Variants in SRPK2 observed in about 807,000 individuals in gnomAD.
SRPK2 encodes SFRS protein kinase 2.
A neutral mutation model predicts 90.8 loss-of-function variants in SRPK2; 21 were observed. The ratio of observed to expected loss-of-function variants is 0.23; its 90% CI spans 0.16 to 0.33. SRPK2 has a LOEUF of 0.33. Ranked by LOEUF, SRPK2 falls within the 10% of genes least tolerant of loss-of-function variation. The pLI is 1.00. For missense variants in SRPK2, 620 were observed against 869.0 expected (o/e 0.71, Z 3.60); for synonymous variants, 288 against 311.1 (o/e 0.93, Z 0.78).
intron 8 of SRPK2, 58 bp from the exon 9 acceptor site, chr7:105,145,366 T>C (rs957340198): frequency 9.0e-6 from 12 of 1,329,888 alleles, no homozygotes; most frequent in African/African-American, 4.4e-5. Flanking sequence ...TGCCTTCATG[T>C]AGGTCATTCG....
At chr7:105,128,364 G>A (rs1376606422) in intron 13 of SRPK2, among the ~76,000 whole-genome samples, 3 of 152,086 alleles carry the variant, frequency 2.0e-5, no homozygotes, top group East Asian at 1.9e-4. Context: ...GTGGATGCAC[G>A]AAGGCACCAG....
intron 3 of SRPK2, among the ~76,000 whole-genome samples, chr7:105,174,971 G>A (rs1179720548): frequency 1.3e-5 from 2 of 151,908 alleles, no homozygotes; most frequent in Non-Finnish European, 2.9e-5. Flanking sequence ...TGACAAAAAC[G>A]CCTCTCTTAC....
At chr7:105,152,394 C>T (rs1485989823) in intron 7 of SRPK2, among the ~76,000 whole-genome samples, 2 of 152,168 alleles carry the variant, frequency 1.3e-5, no homozygotes, top group African/African-American at 4.8e-5. Context: ...AGGTGATCTA[C>T]ACATTTCGGC....
At chr7:105,327,198 T>C (rs984327374) in intron 2 of SRPK2, among the ~76,000 whole-genome samples, 1 of 150,918 alleles carries the variant, frequency 6.6e-6, no homozygotes, top group African/African-American at 2.4e-5. Flanking sequence ...GACCTACAAA[T>C]GGCCTTTACA....
chr7:105,118,103 G>C, intron 15 of SRPK2, 81 bp from the exon 16 acceptor site: 1 of 1,477,306 alleles, frequency 6.8e-7, no homozygotes, highest in South Asian at 1.2e-5. Context: ...GTTCTTTTCA[G>C]TGAAGCGGAC....
chr7:105,395,842 T>C (rs554323352), intron 1 of SRPK2, among the ~76,000 whole-genome samples: 40 of 152,222 alleles, frequency 2.6e-4, no homozygotes, highest in Non-Finnish European at 5.0e-4. Flanking sequence ...TTTGAATTTA[T>C]TGAATTAAAG....
intron 2 of SRPK2, among the ~76,000 whole-genome samples, chr7:105,324,553 T>C (rs370533122): frequency 1.3e-5 from 2 of 152,188 alleles, no homozygotes; most frequent in Non-Finnish European, 2.9e-5. Flanking sequence ...GGTAGGCCCA[T>C]AGAATGCTGA....
intron 2 of SRPK2, among the ~76,000 whole-genome samples, chr7:105,218,022 C>T (rs968965469): frequency 6.6e-5 from 10 of 152,022 alleles, no homozygotes; most frequent in African/African-American, 1.9e-4. Context: ...AGGCCTATGA[C>T]GAAGAAAAAG....
intron 2 of SRPK2, among the ~76,000 whole-genome samples, chr7:105,359,944 T>G (rs528980163): frequency 6.6e-6 from 1 of 152,318 alleles, no homozygotes; most frequent in East Asian, 1.9e-4. Flanking sequence ...GTTAACCTTC[T>G]GTCTCGTTGA....
intron 3 of SRPK2, among the ~76,000 whole-genome samples, chr7:105,176,302 A>G (rs1340684302): frequency 6.6e-6 from 1 of 152,184 alleles, no homozygotes; most frequent in Non-Finnish European, 1.5e-5. Flanking sequence ...TTCTCAATGA[A>G]GCAGGAATAG....
chr7:105,198,643 G>C (rs1263455232), intron 3 of SRPK2, among the ~76,000 whole-genome samples: 2 of 152,152 alleles, frequency 1.3e-5, no homozygotes, highest in Non-Finnish European at 2.9e-5. Flanking sequence ...ATGAAGTACA[G>C]ATGAGAACAC....
At chr7:105,178,008 G>A (rs1308237523) in intron 3 of SRPK2, among the ~76,000 whole-genome samples, 3 of 141,528 alleles carry the variant, frequency 2.1e-5, no homozygotes, top group South Asian at 2.2e-4. Context: ...CAGCCTGGGC[G>A]ACTGAGCGAG....
intron 4 of SRPK2, 143 bp from the exon 5 acceptor site, chr7:105,168,238 GAT>G (rs1292022072): frequency 1.6e-6 from 1 of 631,938 alleles, no homozygotes; most frequent in African/African-American, 1.9e-5. Flanking sequence ...GTGTCAACAC[GAT>G]GCCACAGTGT....
At chr7:105,375,983 CTT>C (rs34445430) in intron 2 of SRPK2, among the ~76,000 whole-genome samples, 88 of 63,152 alleles carry the variant, frequency 1.4e-3, no homozygotes, top group African/African-American at 5.6e-3. Flanking sequence ...GAATTCATTT[CTT>C]TTTTTTTTTT....
intron 2 of SRPK2, among the ~76,000 whole-genome samples, chr7:105,279,342 T>A (rs919288093): frequency 6.6e-6 from 1 of 152,206 alleles, no homozygotes; most frequent in Non-Finnish European, 1.5e-5. Context: ...TGAGAGAAAA[T>A]GTTTTTCTGT....
intron 2 of SRPK2, chr7:105,244,965 G>A (rs1801400697): frequency 6.4e-6 from 9 of 1,397,464 alleles, no homozygotes; most frequent in Non-Finnish European, 8.0e-6. Context: ...TGCCAAGAAA[G>A]ACTGAGCCCC....
chr7:105,339,426 A>C (rs528175954), intron 2 of SRPK2, among the ~76,000 whole-genome samples: 14 of 152,338 alleles, frequency 9.2e-5, no homozygotes, highest in Non-Finnish European at 1.6e-4. Flanking sequence ...ATAATGATTA[A>C]GAGACAACTT....
intron 2 of SRPK2, among the ~76,000 whole-genome samples, chr7:105,290,809 C>T (rs1464915567): frequency 6.6e-6 from 1 of 151,104 alleles, no homozygotes; most frequent in Non-Finnish European, 1.5e-5. Flanking sequence ...GAGGCCGAGG[C>T]GGGTGGATCA....
chr7:105,230,406 C>G (rs1238138628), intron 2 of SRPK2, among the ~76,000 whole-genome samples: 1 of 152,136 alleles, frequency 6.6e-6, no homozygotes, highest in Non-Finnish European at 1.5e-5. Context: ...AGACCATAAC[C>G]ACCAGGCTCT....
Sources: allele counts gnomAD v4.1 joint callset (sites outside exome capture counted in the v4.1 genomes callset), GRCh38; gene constraint gnomAD v4.1.1; transcripts MANE v1.5; gene names NCBI Gene and HGNC (gene_info 2026-07-23, HGNC 2026-07-21).